MALRD1: variants seen among roughly 807,000 people sequenced by gnomAD.
MALRD1 encodes the protein MAM and LDL-receptor class A domain-containing protein 1.
In MALRD1, 247 loss-of-function variants were observed where a neutral mutation model predicts 242.1. The observed-to-expected ratio is 1.02, with a 90% CI of 0.92 to 1.13. The LOEUF (loss-of-function observed/expected upper bound fraction) is 1.13. Ranked by LOEUF, MALRD1 falls within the 50% of genes most tolerant of loss-of-function variation. The pLI is 0.00. For synonymous variants in MALRD1, 995 were observed against 866.6 expected (o/e 1.15, Z -2.60); for missense variants, 2,989 against 2,533.1 (o/e 1.18, Z -3.86).
At position 19,531,370 on chromosome 10, in the gene MALRD1, G is replaced by C; in HGVS notation, c.5478+19G>C. The C allele has an allele frequency of 6.6e-7, 1 of 1,508,736 alleles. No individual in the cohort carries two copies. Among genetic ancestry groups the C allele is most frequent in the Non-Finnish European group, 8.9e-7 (1 of 1,119,148 alleles). 93.5% of individuals were successfully genotyped at this position (1,508,736 alleles called of 1,614,324 possible). A position where few individuals can be genotyped will look rare whatever the true frequency, so the allele number is the denominator to read the frequency against. On this transcript the variant is annotated intron_variant, in intron 32 of 39. Transcript: ENST00000454679. ...ATTAAAGGTACAAAAGGAAGCCAGA[G>C]ATTTATGATCACTGAAATATGCATG...
intron 26 of MALRD1, among the ~76,000 whole-genome samples, chr10:19,384,388 ATATT>A (rs1208647418): frequency 1.0e-5 from 1 of 95,724 alleles, no homozygotes; most frequent in Non-Finnish European, 2.0e-5. Flanking sequence ...TATTTACTAT[ATATT>A]ATATATTATA....
At chr10:19,477,743 G>C (rs894003204) in intron 29 of MALRD1, among the ~76,000 whole-genome samples, 1 of 152,230 alleles carries the variant, frequency 6.6e-6, no homozygotes, top group African/African-American at 2.4e-5. Flanking sequence ...TGAGGAGGCA[G>C]TGTCTGATTT....
intron 5 of MALRD1, among the ~76,000 whole-genome samples, chr10:19,108,087 G>A (rs1303408458): frequency 1.3e-5 from 2 of 152,056 alleles, no homozygotes; most frequent in Non-Finnish European, 2.9e-5. Flanking sequence ...AGATTGCTGT[G>A]CCTTTCTTCA....
At chr10:19,466,300 G>T (rs1836215336) in intron 29 of MALRD1, among the ~76,000 whole-genome samples, 2 of 151,874 alleles carry the variant, frequency 1.3e-5, no homozygotes, top group African/African-American at 4.8e-5. Context: ...TAGTAATTTT[G>T]ATGAAAATTT....
chr10:19,361,436 G>A (rs577673402), intron 26 of MALRD1, among the ~76,000 whole-genome samples: 5 of 152,194 alleles, frequency 3.3e-5, no homozygotes, highest in South Asian at 4.1e-4. Context: ...ATCAGCCTAC[G>A]ATTTCTTAGC....
intron 33 of MALRD1, among the ~76,000 whole-genome samples, chr10:19,572,916 G>GA (rs1836633411): frequency 6.6e-6 from 1 of 152,186 alleles, no homozygotes; most frequent in Non-Finnish European, 1.5e-5. Flanking sequence ...GCAATACTTT[G>GA]AATTCAGACT....
chr10:19,292,696 C>T (rs866240357), intron 21 of MALRD1, among the ~76,000 whole-genome samples: 3 of 151,228 alleles, frequency 2.0e-5, no homozygotes, highest in East Asian at 2.0e-4. Flanking sequence ...ATCGAGACCA[C>T]CCTGGCTAAC....
intron 28 of MALRD1, among the ~76,000 whole-genome samples, chr10:19,409,309 G>C (rs1833173390): frequency 1.3e-5 from 2 of 152,050 alleles, no homozygotes; most frequent in Non-Finnish European, 2.9e-5. Context: ...TAACAGGCTG[G>C]GTGAGTGCAG....
chr10:19,560,713 C>T (rs1482284132), intron 32 of MALRD1, among the ~76,000 whole-genome samples: 2 of 152,024 alleles, frequency 1.3e-5, no homozygotes, highest in African/African-American at 4.8e-5. Flanking sequence ...AACACAGGAA[C>T]AGAAAACCAA....
chr10:19,378,267 A>G (rs1030974595), intron 26 of MALRD1, among the ~76,000 whole-genome samples: 2 of 152,178 alleles, frequency 1.3e-5, no homozygotes, highest in Non-Finnish European at 2.9e-5. Flanking sequence ...ATTATTGAAA[A>G]TAAATTCTCC....
At chr10:19,595,540 G>A (rs1038670494) in intron 34 of MALRD1, 83 bp downstream of exon 34, 14 of 1,395,800 alleles carry the variant, frequency 1.0e-5, no homozygotes, top group African/African-American at 1.4e-5. Flanking sequence ...ATAAAATGAA[G>A]TTCTCTAGAG....
chr10:19,224,943 T>C (rs997365231), intron 18 of MALRD1, among the ~76,000 whole-genome samples: 1 of 152,178 alleles, frequency 6.6e-6, no homozygotes, highest in Non-Finnish European at 1.5e-5. Context: ...ATTGGCTAGG[T>C]TTTCTTCTAG....
intron 28 of MALRD1, among the ~76,000 whole-genome samples, chr10:19,445,581 G>T (rs991805459): frequency 1.3e-5 from 2 of 152,242 alleles, no homozygotes; most frequent in Non-Finnish European, 2.9e-5. Context: ...TCCAGACCCT[G>T]TTTACCTGGG....
chr10:19,320,041 C>CT (rs34481531), intron 21 of MALRD1, among the ~76,000 whole-genome samples: 7,993 of 73,188 alleles, frequency 0.11, 646 homozygotes, highest in Non-Finnish European at 0.12. Flanking sequence ...TATAAAACTG[C>CT]TTTTTTTTTT....
chr10:19,275,556 C>G (rs1385318820), intron 19 of MALRD1, among the ~76,000 whole-genome samples: 1 of 152,134 alleles, frequency 6.6e-6, no homozygotes, highest in Non-Finnish European at 1.5e-5. Context: ...GTAGTCCCCA[C>G]TACTCAGGTG....
intron 28 of MALRD1, among the ~76,000 whole-genome samples, chr10:19,397,337 G>A (rs1188624935): frequency 2.6e-5 from 4 of 152,070 alleles, no homozygotes; most frequent in African/African-American, 7.2e-5. Context: ...ATGAGATCAT[G>A]AGGTGTCTTT....
chr10:19,729,760 G>A (rs1399383254), intron 38 of MALRD1, among the ~76,000 whole-genome samples: 5 of 108,700 alleles, frequency 4.6e-5, no homozygotes, highest in African/African-American at 1.1e-4. Context: ...TTTTTGAGAC[G>A]GAGTCTCGCT....
chr10:19,341,352 C>T (rs530244856), intron 24 of MALRD1, among the ~76,000 whole-genome samples: 1 of 151,466 alleles, frequency 6.6e-6, no homozygotes, highest in Admixed American at 6.6e-5. Context: ...AATACATACA[C>T]ATGTCCTGTT....
At chr10:19,352,556 A>C (rs1844436745) in intron 26 of MALRD1, among the ~76,000 whole-genome samples, 1 of 152,158 alleles carries the variant, frequency 6.6e-6, no homozygotes, top group Non-Finnish European at 1.5e-5. Flanking sequence ...AGATCAATAA[A>C]ATAAGAGAAG....
Sources: allele counts gnomAD v4.1 joint callset (sites outside exome capture counted in the v4.1 genomes callset), GRCh38; gene constraint gnomAD v4.1.1; transcripts MANE v1.5; gene names NCBI Gene and HGNC (gene_info 2026-07-23, HGNC 2026-07-21).